The following TMEM131 variants were observed in gnomAD, a reference collection of about 807,000 sequenced individuals.
The protein encoded by TMEM131 is 2610524E03Rik.
A neutral mutation model predicts 211.6 loss-of-function variants in TMEM131; 66 were observed. That is an observed-to-expected ratio of 0.31 (90% CI 0.26 to 0.38). The LOEUF is 0.38. TMEM131 is among the 10% of genes least tolerant of loss of function. TMEM131 has a pLI of 1.00. For synonymous variants in TMEM131, 844 were observed against 841.3 expected (o/e 1.00, Z -0.06); for missense variants, 2,036 against 2,299.3 (o/e 0.89, Z 2.34).
chr2:97,894,230 T>C (rs1000207732), intron 3 of TMEM131, among the ~76,000 whole-genome samples: 1 of 152,186 alleles, frequency 6.6e-6, no homozygotes, highest in African/African-American at 2.4e-5. Flanking sequence ...TTCTGTTCTA[T>C]TGGTTTATGT....
intron 4 of TMEM131, among the ~76,000 whole-genome samples, chr2:97,859,957 T>C (rs919328250): frequency 2.0e-5 from 3 of 152,226 alleles, no homozygotes; most frequent in African/African-American, 7.2e-5. Flanking sequence ...ATCTAAGTCT[T>C]CTGGGTCTAG....
At chr2:97,778,069 A>G (rs1039062320) in intron 31 of TMEM131, among the ~76,000 whole-genome samples, 5 of 152,244 alleles carry the variant, frequency 3.3e-5, no homozygotes, top group African/African-American at 1.2e-4. Context: ...CTGCAATTAT[A>G]CAATTTTATC....
intron 17 of TMEM131, 54 bp downstream of exon 17, chr2:97,812,367 C>T (rs1681586244): frequency 5.8e-6 from 9 of 1,545,352 alleles, no homozygotes; most frequent in Non-Finnish European, 7.9e-6. Flanking sequence ...TGATCTTCCA[C>T]TTGCAGTTTA....
chr2:97,923,713 T>C (rs1240539627), intron 2 of TMEM131, among the ~76,000 whole-genome samples: 6 of 151,614 alleles, frequency 4.0e-5, no homozygotes, highest in African/African-American at 7.3e-5. Context: ...TTCCAAAATT[T>C]TAAAATTCTA....
intron 1 of TMEM131, among the ~76,000 whole-genome samples, chr2:97,958,128 A>G (rs1484401495): frequency 3.9e-5 from 6 of 152,250 alleles, no homozygotes; most frequent in African/African-American, 9.6e-5. Flanking sequence ...CTTTAAGAAG[A>G]TAAGTCATTT....
intron 4 of TMEM131, among the ~76,000 whole-genome samples, chr2:97,869,105 G>GA (rs908193456): frequency 5.4e-4 from 82 of 152,034 alleles, no homozygotes; most frequent in African/African-American, 1.9e-3. Context: ...GCTTTCTTAA[G>GA]AAAAAAAATG....
chr2:97,995,378 A>T, intron 1 of TMEM131, 98 bp downstream of exon 1: 1 of 1,194,660 alleles, frequency 8.4e-7, no homozygotes, highest in Non-Finnish European at 1.1e-6. Flanking sequence ...TTTGCGCCGG[A>T]GCCCCGGCCG....
At chr2:97,803,357 G>C (rs141101377) in intron 22 of TMEM131, among the ~76,000 whole-genome samples, 113 of 152,304 alleles carry the variant, frequency 7.4e-4, no homozygotes, top group African/African-American at 2.5e-3. Context: ...GACATCAGTT[G>C]ACAACAGAGG....
At chr2:97,833,343 G>A (rs1357042302) in intron 11 of TMEM131, 22 bp downstream of exon 11, 6 of 1,077,870 alleles carry the variant, frequency 5.6e-6, no homozygotes, top group Non-Finnish European at 8.1e-6. Context: ...TAAATTAGGG[G>A]AAAAAAGAAG....
chr2:97,855,204 T>C (rs187329652), intron 5 of TMEM131, among the ~76,000 whole-genome samples: 5 of 152,344 alleles, frequency 3.3e-5, no homozygotes, highest in Admixed American at 3.3e-4. Flanking sequence ...TTTTCTTGTA[T>C]GTTTTAAACT....
chr2:97,766,701 A>C, intron 33 of TMEM131, 99 bp from the exon 34 acceptor site: 1 of 1,463,086 alleles, frequency 6.8e-7, no homozygotes, highest in Non-Finnish European at 9.3e-7. Context: ...AACTGCATGC[A>C]GGAAGCTAAT....
In TMEM131 at chr2:97,995,892, A is replaced by G. The variant is rs1680494450; in HGVS notation, c.-230T>C. The G allele has an allele frequency of 1.3e-5, 3 of 232,104 alleles. No homozygotes were observed. Among genetic ancestry groups the G allele is most frequent in the Non-Finnish European group, 2.4e-5 (3 of 123,102 alleles). 14.4% of individuals were successfully genotyped at this position (232,104 alleles called of 1,614,324 possible). ...TCGCCTACAAGCAGTCGGAGCGGAGAGGCCGCGGGTCAGGCGCGGCGGGCG... is the reference window on the plus strand; with the variant it reads ...TCGCCTACAAGCAGTCGGAGCGGAGGGGCCGCGGGTCAGGCGCGGCGGGCG... On this transcript the variant is annotated 5_prime_UTR_variant, in exon 1 of 41. Coordinates refer to ENST00000186436, the MANE Select transcript of TMEM131 (RefSeq NM_015348.2).
chr2:97,854,137 C>T (rs973166586), intron 5 of TMEM131, among the ~76,000 whole-genome samples: 13 of 152,220 alleles, frequency 8.5e-5, no homozygotes, highest in Admixed American at 2.0e-4. Flanking sequence ...CCATCCCAAC[C>T]TTCAGCAACC....
rs1573316228 is a variant in TMEM131, at chr2:97,762,131, G to C, written c.4793C>G (p.Thr1598Ser). The C allele has an allele frequency of 2.5e-6, 4 of 1,613,882 alleles. No individual in the cohort carries two copies. Among genetic ancestry groups the C allele is most frequent in the Non-Finnish European group, 3.4e-6 (4 of 1,179,832 alleles). The change falls in exon 36 of 41, where the codon ACC becomes AGC. Residue 1598 changes from threonine (T) to serine (S), a missense_variant. Physicochemically the swap from Thr to Ser is moderately conservative, Grantham distance 58. Around this residue, in one of 3 missense-constraint regions of TMEM131, gnomAD observed 1,623 missense variants for 1,805.9 expected, o/e 0.90. Transcript: ENST00000186436. Reference protein sequence around the residue: ...NADIFLKQRQTSPTPASPSPP... With the variant: ...NADIFLKQRQSSPTPASPSPP... ...AGACGGGGAAGCAGGTGTCGGTGAG[G>C]TCTGGCGTTGTTTTAAGAAAATGTC...
chr2:97,875,883 G>A (rs1674672310), intron 4 of TMEM131, among the ~76,000 whole-genome samples: 1 of 152,138 alleles, frequency 6.6e-6, no homozygotes, highest in Non-Finnish European at 1.5e-5. Flanking sequence ...AGAACTGAAG[G>A]AGATAGAGAC....
intron 4 of TMEM131, among the ~76,000 whole-genome samples, chr2:97,866,622 T>C (rs535587231): frequency 2.0e-5 from 3 of 152,324 alleles, no homozygotes; most frequent in Admixed American, 2.0e-4. Context: ...ATTTGAGATA[T>C]TTTGGTGTGT....
chr2:97,783,227 C>G (rs771486676), intron 31 of TMEM131, among the ~76,000 whole-genome samples: 3 of 152,028 alleles, frequency 2.0e-5, no homozygotes, highest in Non-Finnish European at 2.9e-5. Context: ...ATGAAAATAT[C>G]CTTCAGGAAT....
At chr2:97,871,309 G>C (rs1057390722) in intron 4 of TMEM131, among the ~76,000 whole-genome samples, 1 of 152,172 alleles carries the variant, frequency 6.6e-6, no homozygotes, top group Non-Finnish European at 1.5e-5. Flanking sequence ...TGTCATTTCT[G>C]GGAACAGGCA....
chr2:97,828,116 T>C (rs371550824), intron 11 of TMEM131, among the ~76,000 whole-genome samples: 1 of 152,236 alleles, frequency 6.6e-6, no homozygotes, highest in African/African-American at 2.4e-5. Context: ...TACGTGCTAT[T>C]GAGTTGTGAA....
Sources: gnomAD v4.1 joint callset for allele counts (sites outside exome capture counted in the v4.1 genomes callset) on GRCh38, gnomAD v4.1.1 for gene constraint, gnomAD v4.1.1 regional missense constraint, MANE v1.5 for transcripts, NCBI Gene and HGNC (gene_info 2026-07-23, HGNC 2026-07-21) for gene names.